The following SPAG16 variants were observed in gnomAD, a reference collection of about 807,000 sequenced individuals.
The protein encoded by SPAG16 is sperm associated antigen 16.
SPAG16 carries 86 observed loss-of-function variants against 80.4 expected under a neutral mutation model. The ratio of observed to expected loss-of-function variants is 1.07; its 90% confidence interval spans 0.90 to 1.28. SPAG16 has a LOEUF of 1.28. SPAG16 is among the 50% of genes most tolerant of loss of function. SPAG16 has a pLI of 0.00. For missense variants in SPAG16, 870 were observed against 765.3 expected (o/e 1.14, Z -1.61); for synonymous variants, 294 against 265.9 (o/e 1.11, Z -1.03).
chr2:213,309,639 C>T (rs2063100686), intron 3 of SPAG16, among the ~76,000 whole-genome samples: 1 of 152,016 alleles, frequency 6.6e-6, no homozygotes, highest in African/African-American at 2.4e-5. Flanking sequence ...ATAAGACACT[C>T]TGCCTCTTTG....
At chr2:213,304,789 T>A (rs2062874412) in intron 3 of SPAG16, among the ~76,000 whole-genome samples, 1 of 152,186 alleles carries the variant, frequency 6.6e-6, no homozygotes, top group Non-Finnish European at 1.5e-5. Flanking sequence ...TGTAGTATAA[T>A]TTGATGTCAC....
At chr2:214,177,247 T>A (rs1203301513) in intron 15 of SPAG16, among the ~76,000 whole-genome samples, 1 of 151,204 alleles carries the variant, frequency 6.6e-6, no homozygotes, top group Non-Finnish European at 1.5e-5. Flanking sequence ...TCAAAGTCCC[T>A]GAATTTTCCT....
intron 10 of SPAG16, among the ~76,000 whole-genome samples, chr2:213,602,677 C>T (rs1410822185): frequency 6.6e-6 from 1 of 152,108 alleles, no homozygotes; most frequent in Non-Finnish European, 1.5e-5. Flanking sequence ...AACTTGTTTC[C>T]CACCCAAAAG....
chr2:214,190,988 A>C (rs2125695822), intron 15 of SPAG16, among the ~76,000 whole-genome samples: 1 of 152,304 alleles, frequency 6.6e-6, no homozygotes, highest in Middle Eastern at 3.4e-3. Flanking sequence ...TAGATTATTC[A>C]ATTTATAGTA....
At chr2:213,424,896 A>G (rs747269674) in intron 9 of SPAG16, among the ~76,000 whole-genome samples, 2 of 152,194 alleles carry the variant, frequency 1.3e-5, no homozygotes, top group African/African-American at 2.4e-5. Context: ...TTTCTTTGCC[A>G]TGGCCTTTGG....
chr2:213,826,782 T>G (rs979228110), intron 10 of SPAG16, among the ~76,000 whole-genome samples: 3 of 151,998 alleles, frequency 2.0e-5, no homozygotes, highest in Non-Finnish European at 4.4e-5. Flanking sequence ...GATTATCAAA[T>G]GTTTCTTTGT....
rs573254918 is a variant in SPAG16 at position 213,461,502 on chromosome 2, G to T, written c.943-28461G>T. 1.2e-3 allele frequency among the ~76,000 whole-genome samples: 176 copies of T among 152,234 alleles called. 2 individuals are homozygous for T. Among genetic ancestry groups the T allele is most frequent in the Middle Eastern group, 3.4e-3 (1 of 294 alleles). ...TTGTCTGAGAAATTTGTTAAGCAGG[G>T]AGACATATTAGAGGCTGCAGCAACA... On this transcript the variant is annotated intron_variant, in intron 9 of 15. Transcript: ENST00000331683.
chr2:214,301,680 T>C (rs1694564511), intron 15 of SPAG16, among the ~76,000 whole-genome samples: 2 of 152,196 alleles, frequency 1.3e-5, no homozygotes, highest in Admixed American at 1.3e-4. Context: ...ATTTCTTGGT[T>C]AATCTAGCTA....
At chr2:214,004,983 A>T (rs998472671) in intron 12 of SPAG16, among the ~76,000 whole-genome samples, 1 of 152,192 alleles carries the variant, frequency 6.6e-6, no homozygotes, top group African/African-American at 2.4e-5. Flanking sequence ...TAATTATGTA[A>T]ATTGCTTAGA....
In SPAG16 at chr2:213,391,936, A is replaced by G. The variant is rs1323086244; in HGVS notation, c.942+16817A>G. On this transcript the variant is annotated intron_variant, in intron 9 of 15. Coordinates refer to ENST00000331683, the MANE Select transcript of SPAG16 (RefSeq NM_024532.5). ...CTAATTCTGATGTTCCAATGTTTGC[A>G]TGTCCCCTGTTACATATTTAAAAGT... 2.0e-5 allele frequency among the ~76,000 whole-genome samples: 3 copies of G among 152,214 alleles called. No homozygotes were observed. The East Asian group carries it at 5.8e-4, about 29-fold the overall frequency.
At chr2:214,299,274 G>A (rs1309069357) in intron 15 of SPAG16, among the ~76,000 whole-genome samples, 2 of 143,528 alleles carry the variant, frequency 1.4e-5, no homozygotes, top group African/African-American at 5.2e-5. Context: ...TTTTTGAGAC[G>A]GGGTCTTGCT....
chr2:213,369,586 G>A lies in SPAG16; in HGVS notation c.833-5424G>A, dbSNP rs578172010. Reference sequence around the variant, plus strand: ...ACCTGTGTTTACTTTTAGGCAAAGAGGATTTTTTTTTTTGGCTCAGATAGC... The same window carrying A: ...ACCTGTGTTTACTTTTAGGCAAAGAAGATTTTTTTTTTTGGCTCAGATAGC... On this transcript the variant is annotated intron_variant, in intron 8 of 15. Coordinates refer to ENST00000331683, the MANE Select transcript of SPAG16 (RefSeq NM_024532.5). Among the ~76,000 whole-genome samples the A allele has an allele frequency of 2.8e-5, 3 of 108,740 alleles. No individual in the cohort carries two copies. The East Asian group carries it at 6.5e-4, about 24-fold the overall frequency. 71.3% of individuals were successfully genotyped at this position (108,740 alleles called of 152,430 possible). A position where few individuals can be genotyped will look rare whatever the true frequency, so the allele number is the denominator to read the frequency against.
At chr2:214,047,672 C>A (rs1292099466) in intron 13 of SPAG16, among the ~76,000 whole-genome samples, 2 of 152,054 alleles carry the variant, frequency 1.3e-5, no homozygotes, top group East Asian at 3.8e-4. Flanking sequence ...CAAAGGCAAG[C>A]GAAGCAAACA....
intron 13 of SPAG16, among the ~76,000 whole-genome samples, chr2:214,051,905 T>C (rs2049666196): frequency 6.6e-6 from 1 of 152,242 alleles, no homozygotes; most frequent in African/African-American, 2.4e-5. Context: ...TTCATAAATT[T>C]TGCCCAAGAG....
chr2:213,979,139 TG>T (rs1193801172), intron 12 of SPAG16, among the ~76,000 whole-genome samples: 1 of 151,990 alleles, frequency 6.6e-6, no homozygotes, highest in African/African-American at 2.4e-5. Context: ...GTAGACAGGG[TG>T]TACAGAAGGG....
At chr2:213,531,559 C>T (rs1343701087) in intron 10 of SPAG16, among the ~76,000 whole-genome samples, 1 of 152,036 alleles carries the variant, frequency 6.6e-6, no homozygotes, top group East Asian at 1.9e-4. Context: ...CCCCCATCCC[C>T]AGTTTTCCAG....
rs377203189 is a variant in SPAG16 at position 214,325,721 on chromosome 2, T to G, written c.1721-84419T>G. On this transcript the variant is annotated intron_variant, in intron 15 of 15. Coordinates refer to ENST00000331683, the MANE Select transcript of SPAG16 (RefSeq NM_024532.5). ...TTCCAGACTATTCCTTATTATTGAT[T>G]AGCTTTTTTTTTTTACATGTATTCC... is the stretch of plus-strand genomic sequence containing the variant. Among the ~76,000 whole-genome samples, 9 of 44,388 alleles carry G rather than the reference T, an allele frequency of 2.0e-4. 1 individual carries two copies. The highest frequency in any genetic ancestry group is 6.4e-4 in the African/African-American group (9 of 14,134). The allele number at this position is 44,388 out of a possible 152,430, so 29.1% of individuals were successfully genotyped here.
At chr2:213,394,832 A>G (rs1237037794) in intron 9 of SPAG16, among the ~76,000 whole-genome samples, 1 of 152,182 alleles carries the variant, frequency 6.6e-6, no homozygotes, top group African/African-American at 2.4e-5. Context: ...GGGAGAATTC[A>G]CCAGTGAAAC....
At chr2:213,848,590 C>A (rs190668332) in intron 10 of SPAG16, among the ~76,000 whole-genome samples, 1 of 152,176 alleles carries the variant, frequency 6.6e-6, no homozygotes. Context: ...GTAGTTATAT[C>A]TATCTGGTTG....
Sources: gnomAD v4.1 joint callset for allele counts (sites outside exome capture counted in the v4.1 genomes callset) on GRCh38, gnomAD v4.1.1 for gene constraint, MANE v1.5 for transcripts, NCBI Gene and HGNC (gene_info 2026-07-23, HGNC 2026-07-21) for gene names.